Variants in CSMD1 observed in about 807,000 individuals in gnomAD.
CSMD1 encodes the protein CUB and sushi domain-containing protein 1.
Under a neutral mutation model 417.5 loss-of-function variants are expected in CSMD1, and 213 were observed. That is an observed-to-expected ratio of 0.51 (90% CI 0.46 to 0.57). The LOEUF (loss-of-function observed/expected upper bound fraction) is 0.57. Among genes scored for constraint, CSMD1 ranks in the 20% least tolerant of loss-of-function variants. The pLI is 0.00. For missense variants in CSMD1, 6,923 were observed against 4,529.7 expected, an observed-to-expected ratio of 1.53 and a Z score of -15.17; for synonymous variants, 2,862 against 1,736.8, an observed-to-expected ratio of 1.65 and a Z score of -16.11.
At chr8:4,175,800 A>C (rs1285142743) in intron 3 of CSMD1, among the ~76,000 whole-genome samples, 1 of 152,210 alleles carries the variant, frequency 6.6e-6, no homozygotes, top group Non-Finnish European at 1.5e-5. Flanking sequence ...GATCATGGCA[A>C]TACAACAGCA....
intron 17 of CSMD1, among the ~76,000 whole-genome samples, chr8:3,388,903 AC>A (rs1811174066): frequency 9.5e-5 from 1 of 10,540 alleles, no homozygotes; most frequent in African/African-American, 3.7e-4. Flanking sequence ...GCATACACAC[AC>A]ACACACACAC....
chr8:3,425,274 G>C (rs1002044405), intron 12 of CSMD1, among the ~76,000 whole-genome samples: 1 of 152,176 alleles, frequency 6.6e-6, no homozygotes, highest in Non-Finnish European at 1.5e-5. Flanking sequence ...CTTGGGACAA[G>C]GGAAACTCCT....
intron 10 of CSMD1, among the ~76,000 whole-genome samples, chr8:3,558,804 T>A (rs1420572935): frequency 1.3e-5 from 2 of 150,994 alleles, no homozygotes; most frequent in African/African-American, 2.4e-5. Context: ...GAATGGTGCC[T>A]CAATAGCACC....
intron 3 of CSMD1, among the ~76,000 whole-genome samples, chr8:4,284,127 G>A (rs370420717): frequency 3.9e-5 from 6 of 152,130 alleles, no homozygotes; most frequent in African/African-American, 9.7e-5. Flanking sequence ...TAGCATTTTG[G>A]GAGGCCGAGA....
chr8:3,391,624 G>C (rs1053894999), intron 17 of CSMD1, among the ~76,000 whole-genome samples: 3 of 152,150 alleles, frequency 2.0e-5, no homozygotes, highest in Admixed American at 6.5e-5. Context: ...TTCTAGGTTT[G>C]CTTTTACAAA....
chr8:4,323,797 A>C (rs895170349), intron 3 of CSMD1, among the ~76,000 whole-genome samples: 1 of 152,122 alleles, frequency 6.6e-6, no homozygotes, highest in African/African-American at 2.4e-5. Flanking sequence ...GACTTATTGA[A>C]CCATAAAGGA....
At chr8:3,925,502 G>A (rs1474574662) in intron 5 of CSMD1, among the ~76,000 whole-genome samples, 1 of 152,176 alleles carries the variant, frequency 6.6e-6, no homozygotes, top group Non-Finnish European at 1.5e-5. Context: ...CACTGATGCG[G>A]TTTGGCTGGG....
At chr8:3,570,552 C>T (rs770670422) in intron 10 of CSMD1, among the ~76,000 whole-genome samples, 2 of 75,760 alleles carry the variant, frequency 2.6e-5, no homozygotes, top group Admixed American at 1.5e-4. Context: ...ATATTGTCTC[C>T]GCTCTAGAGA....
chr8:4,627,998 A>G (rs1249659607), intron 2 of CSMD1, among the ~76,000 whole-genome samples: 1 of 151,688 alleles, frequency 6.6e-6, no homozygotes, highest in African/African-American at 2.4e-5. Context: ...TGACAATTAA[A>G]AAAAAATGTC....
chr8:3,685,572 G>C (rs949012193), intron 7 of CSMD1, among the ~76,000 whole-genome samples: 10 of 152,142 alleles, frequency 6.6e-5, no homozygotes, highest in Non-Finnish European at 2.9e-5. Flanking sequence ...TACAAAACAG[G>C]AGTGAAGCAT....
intron 5 of CSMD1, among the ~76,000 whole-genome samples, chr8:3,889,506 T>G (rs1806806912): frequency 1.6e-5 from 2 of 125,970 alleles, no homozygotes; most frequent in Non-Finnish European, 3.4e-5. Flanking sequence ...ATATGCTCAT[T>G]AGGTCATGAT....
chr8:4,802,562 G>A (rs115158967), intron 1 of CSMD1, among the ~76,000 whole-genome samples: 1,703 of 152,192 alleles, frequency 0.011, 29 homozygotes, highest in African/African-American at 0.039. Context: ...TCAAACTATA[G>A]TTTATGAAGA....
intron 1 of CSMD1, among the ~76,000 whole-genome samples, chr8:4,649,794 G>C (rs918465301): frequency 6.6e-6 from 1 of 152,168 alleles, no homozygotes; most frequent in Non-Finnish European, 1.5e-5. Flanking sequence ...TTTATCTTTA[G>C]TTTTATTTCA....
At chr8:4,312,963 T>C (rs951409663) in intron 3 of CSMD1, among the ~76,000 whole-genome samples, 7 of 152,128 alleles carry the variant, frequency 4.6e-5, no homozygotes, top group African/African-American at 1.4e-4. Context: ...AGCCCATAAT[T>C]TGACCTGCAA....
chr8:3,943,939 G>A (rs1000801247), intron 5 of CSMD1, among the ~76,000 whole-genome samples: 1 of 152,066 alleles, frequency 6.6e-6, no homozygotes, highest in African/African-American at 2.4e-5. Context: ...CACAATGGTG[G>A]AATGTTAGGT....
intron 40 of CSMD1, among the ~76,000 whole-genome samples, chr8:3,144,755 GA>G (rs1395551315): frequency 1.5e-5 from 2 of 132,012 alleles, no homozygotes. Flanking sequence ...TCAGAAGTGA[GA>G]AAAAAAGAAA....
chr8:3,819,521 G>A lies in CSMD1; in HGVS notation c.819-65479C>T, dbSNP rs187540975. 1.4e-4 allele frequency among the ~76,000 whole-genome samples: 20 copies of A among 139,276 alleles called. No homozygotes were observed. The East Asian group carries it at 2.2e-3, about 15-fold the overall frequency. The allele number at this position is 139,276 out of a possible 152,430, so 91.4% of individuals were successfully genotyped here. Reference sequence around the variant, plus strand: ...TCCAAGAATGCTGGAGCTCAAAAGCGAAGGTGATTTCTACACACACACACA... The same window carrying A: ...TCCAAGAATGCTGGAGCTCAAAAGCAAAGGTGATTTCTACACACACACACA... On this transcript the variant is annotated intron_variant, in intron 5 of 69. Transcript: ENST00000635120.
intron 40 of CSMD1, 80 bp downstream of exon 40, chr8:3,151,317 G>T: frequency 2.4e-6 from 2 of 839,890 alleles, no homozygotes; most frequent in Admixed American, 4.2e-5. Context: ...AACAGAATAA[G>T]GCATTTTATT....
intron 5 of CSMD1, among the ~76,000 whole-genome samples, chr8:3,781,852 T>C (rs1304674632): frequency 1.3e-5 from 2 of 152,212 alleles, no homozygotes; most frequent in Non-Finnish European, 2.9e-5. Context: ...GATTCATTTG[T>C]TCAATGGCAT....
Sources: gnomAD v4.1 joint callset for allele counts (sites outside exome capture counted in the v4.1 genomes callset) on GRCh38, gnomAD v4.1.1 for gene constraint, MANE v1.5 for transcripts, NCBI Gene and HGNC (gene_info 2026-07-23, HGNC 2026-07-21) for gene names.